The following DPP10 variants were observed in gnomAD, a reference collection of about 807,000 sequenced individuals.
The protein encoded by DPP10 is dipeptidyl peptidase like 10.
Under a neutral mutation model 120.9 loss-of-function variants are expected in DPP10, and 33 were observed. The ratio of observed to expected loss-of-function variants is 0.27; its 90% CI spans 0.21 to 0.37. The LOEUF (loss-of-function observed/expected upper bound fraction) is 0.37, where lower values mean the gene tolerates loss of function less well. DPP10 is among the 10% of genes least tolerant of loss of function. The probability of loss-of-function intolerance (pLI) is 1.00; values close to 1 mark genes in which losing one functional copy is unlikely to be tolerated. For missense variants in DPP10, 816 were observed against 942.8 expected (o/e 0.87, Z 1.76); for synonymous variants, 337 against 326.1 (o/e 1.03, Z -0.36).
At chr2:114,839,151 T>A (rs1324694233) in intron 1 of DPP10, among the ~76,000 whole-genome samples, 1 of 152,236 alleles carries the variant, frequency 6.6e-6, no homozygotes, top group Non-Finnish European at 1.5e-5. Context: ...TTAGCAATTA[T>A]TTCTTGGATG....
At chr2:115,068,737 A>ATT (rs1486231958) in intron 1 of DPP10, among the ~76,000 whole-genome samples, 2 of 152,210 alleles carry the variant, frequency 1.3e-5, no homozygotes, top group African/African-American at 4.8e-5. Flanking sequence ...TTTTGGGTTG[A>ATT]TTTATGTAGA....
intron 1 of DPP10, among the ~76,000 whole-genome samples, chr2:115,185,042 G>A (rs1378342474): frequency 6.6e-6 from 1 of 152,148 alleles, no homozygotes; most frequent in Non-Finnish European, 1.5e-5. Flanking sequence ...TAGGAGAATA[G>A]CATTGCTGTG....
intron 1 of DPP10, among the ~76,000 whole-genome samples, chr2:115,238,271 C>T (rs2105542457): frequency 6.6e-6 from 1 of 152,252 alleles, no homozygotes; most frequent in East Asian, 1.9e-4. Flanking sequence ...ATGATAGTAC[C>T]TCTGCTTGCA....
At chr2:115,459,467 T>C (rs565682666) in intron 3 of DPP10, among the ~76,000 whole-genome samples, 2 of 152,284 alleles carry the variant, frequency 1.3e-5, no homozygotes, top group African/African-American at 4.8e-5. Flanking sequence ...GTGAGTTTGA[T>C]TTTAATATAA....
intron 5 of DPP10, among the ~76,000 whole-genome samples, chr2:115,625,512 G>C (rs546260669): frequency 6.6e-6 from 1 of 152,066 alleles, no homozygotes; most frequent in African/African-American, 2.4e-5. Context: ...AAAGATAAAC[G>C]TTAAGGTATT....
intron 21 of DPP10, among the ~76,000 whole-genome samples, chr2:115,835,360 T>A (rs13034936): frequency 6.6e-6 from 1 of 152,042 alleles, no homozygotes; most frequent in African/African-American, 2.4e-5. Context: ...CAAGCAAAGT[T>A]TGTCACGCAT....
chr2:115,267,708 C>A (rs1342568565), intron 1 of DPP10, among the ~76,000 whole-genome samples: 1 of 152,076 alleles, frequency 6.6e-6, no homozygotes, highest in Non-Finnish European at 1.5e-5. Context: ...CATGCTTATT[C>A]TTCTCCTATA....
At chr2:114,558,299 C>A (rs1325703752) in intron 1 of DPP10, among the ~76,000 whole-genome samples, 1 of 152,198 alleles carries the variant, frequency 6.6e-6, no homozygotes, top group East Asian at 1.9e-4. Flanking sequence ...TCATGACTCT[C>A]TCCTACCCCA....
chr2:115,522,545 A>G (rs1478650804), intron 4 of DPP10, among the ~76,000 whole-genome samples: 1 of 152,212 alleles, frequency 6.6e-6, no homozygotes, highest in Non-Finnish European at 1.5e-5. Flanking sequence ...CTACTTGATC[A>G]CATACCTTGT....
chr2:115,560,713 C>T (rs2080593357), intron 5 of DPP10, among the ~76,000 whole-genome samples: 1 of 151,570 alleles, frequency 6.6e-6, no homozygotes, highest in African/African-American at 2.4e-5. Flanking sequence ...CTCCAGGGCT[C>T]AAGCTAGCAA....
At chr2:114,972,679 G>T (rs1021930983) in intron 1 of DPP10, among the ~76,000 whole-genome samples, 5 of 152,098 alleles carry the variant, frequency 3.3e-5, no homozygotes, top group Non-Finnish European at 7.4e-5. Flanking sequence ...ATGTTTCTTT[G>T]TATATATCTA....
intron 1 of DPP10, among the ~76,000 whole-genome samples, chr2:115,088,750 C>CAAAAAAAAAAAAAA (rs70941027): frequency 4.3e-4 from 28 of 64,976 alleles, no homozygotes; most frequent in Non-Finnish European, 4.8e-4. Flanking sequence ...CTGTGCCTGA[C>CAAAAAAAAAAAAAA]AAAAAAAAAA....
chr2:115,367,985 G>A (rs963142843), intron 3 of DPP10, among the ~76,000 whole-genome samples: 1 of 152,014 alleles, frequency 6.6e-6, no homozygotes, highest in East Asian at 1.9e-4. Context: ...TGTGTGTTTA[G>A]GTTCATGTCC....
chr2:114,834,637 C>CATATCTACGCACCTATGTATATAT, intron 1 of DPP10, among the ~76,000 whole-genome samples: 1 of 131,550 alleles, frequency 7.6e-6, no homozygotes, highest in South Asian at 2.5e-4. Flanking sequence ...ATATATAAGC[C>CATATCTACGCACCTATGTATATAT]ATATCTACAC....
At chr2:115,396,825 C>G in intron 3 of DPP10, among the ~76,000 whole-genome samples, 1 of 152,062 alleles carries the variant, frequency 6.6e-6, no homozygotes, top group East Asian at 1.9e-4. Flanking sequence ...AGCCATTGCA[C>G]TCATATATCA....
intron 1 of DPP10, among the ~76,000 whole-genome samples, chr2:114,948,236 T>C (rs553853795): frequency 9.5e-4 from 145 of 152,246 alleles, no homozygotes; most frequent in Non-Finnish European, 1.4e-3. Flanking sequence ...ATCCTTCAAT[T>C]AGTTAATTAA....
chr2:115,087,867 T>G (rs1353436890), intron 1 of DPP10, among the ~76,000 whole-genome samples: 3 of 152,206 alleles, frequency 2.0e-5, no homozygotes, highest in Non-Finnish European at 4.4e-5. Context: ...TCTGCCTTTC[T>G]AACAAGTTCT....
chr2:114,720,629 G>A (rs1280674693), intron 1 of DPP10, among the ~76,000 whole-genome samples: 2 of 152,198 alleles, frequency 1.3e-5, no homozygotes, highest in Non-Finnish European at 2.9e-5. Flanking sequence ...ATGAGCCTGT[G>A]GAAAGAACAA....
At chr2:115,406,487 A>C (rs992237740) in intron 3 of DPP10, among the ~76,000 whole-genome samples, 6 of 152,184 alleles carry the variant, frequency 3.9e-5, no homozygotes, top group African/African-American at 9.6e-5. Flanking sequence ...GGTGATGGAT[A>C]TGGTAACTAA....
Sources: gnomAD v4.1 joint callset for allele counts (sites outside exome capture counted in the v4.1 genomes callset) on GRCh38, gnomAD v4.1.1 for gene constraint, MANE v1.5 for transcripts, NCBI Gene and HGNC (gene_info 2026-07-23, HGNC 2026-07-21) for gene names.